The following CDYL variants were observed in gnomAD, a reference collection of about 807,000 sequenced individuals.
CDYL encodes the protein chromodomain Y like.
In CDYL, 8 loss-of-function variants were observed where a neutral mutation model predicts 47.3. That is an observed-to-expected ratio of 0.17 (90% CI 0.10 to 0.31). The LOEUF is 0.31. Ranked by LOEUF, CDYL falls within the 10% of genes least tolerant of loss-of-function variation. CDYL has a pLI of 1.00. For missense variants in CDYL, 471 were observed against 701.4 expected (o/e 0.67, Z 3.71); for synonymous variants, 266 against 265.0 (o/e 1.00, Z -0.04).
chr6:4,871,354 G>C (rs535245028), intron 1 of CDYL, among the ~76,000 whole-genome samples: 2 of 152,248 alleles, frequency 1.3e-5, no homozygotes, highest in African/African-American at 4.8e-5. Flanking sequence ...TCAAATTTTA[G>C]GCAGGTTTCA....
At chr6:4,918,375 C>A (rs1561707972) in intron 2 of CDYL, among the ~76,000 whole-genome samples, 1 of 150,330 alleles carries the variant, frequency 6.7e-6, no homozygotes. Context: ...TTCTGCCCCC[C>A]CCCCTTTTTT....
intron 1 of CDYL, among the ~76,000 whole-genome samples, chr6:4,838,266 G>A (rs1760382910): frequency 6.6e-6 from 1 of 152,082 alleles, no homozygotes; most frequent in African/African-American, 2.4e-5. Flanking sequence ...CCCGAGCAGT[G>A]TACACTGTAC....
chr6:4,804,241 T>A (rs1759307651), intron 1 of CDYL, among the ~76,000 whole-genome samples: 1 of 152,136 alleles, frequency 6.6e-6, no homozygotes, highest in African/African-American at 2.4e-5. Flanking sequence ...CCTCGCCCAG[T>A]CAGCCAACCT....
chr6:4,786,451 G>A (rs751442644), intron 1 of CDYL, among the ~76,000 whole-genome samples: 2 of 152,054 alleles, frequency 1.3e-5, no homozygotes, highest in African/African-American at 2.4e-5. Flanking sequence ...TAATGATGCC[G>A]GGTAAAGGAG....
intron 1 of CDYL, among the ~76,000 whole-genome samples, chr6:4,867,256 TTTC>T (rs1670630065): frequency 6.6e-6 from 1 of 152,108 alleles, no homozygotes; most frequent in African/African-American, 2.4e-5. Flanking sequence ...TTTTAAAAAA[TTTC>T]TTAATTTCTT....
In CDYL at chr6:4,732,225, C is replaced by T. The variant is rs1582291121; in HGVS notation, c.104-2537C>T. 2.0e-5 allele frequency among the ~76,000 whole-genome samples: 3 copies of T among 152,220 alleles called. 1 individual carries two copies. The South Asian group carries it at 6.2e-4, about 32-fold the overall frequency. On this transcript the variant is annotated intron_variant, in intron 2 of 8. Coordinates refer to the CDYL transcript ENST00000328908. ...TGGTGCATGCTTGTAGTTCCAGCTA[C>T]TCAGGAGGCTGAGGCGGGAGGATTG...
rs1554100346 is a variant in CDYL, at chr6:4,821,735, CG to C, written c.24+44933del. On this transcript the variant is annotated intron_variant, in intron 1 of 6. Transcript: ENST00000397588. ...TGGGCTCTAGAGCAAGACTGTATCT[CG>C]GGGGAAAAAAAAAAAGCGATCCTTG... 4.0e-4 allele frequency among the ~76,000 whole-genome samples: 60 copies of C among 148,496 alleles called. 1 individual carries two copies. In the Middle Eastern group the frequency reaches 0.024, roughly 60 times the overall value.
chr6:4,877,095 C>G (rs982126664), intron 1 of CDYL, among the ~76,000 whole-genome samples: 1 of 152,210 alleles, frequency 6.6e-6, no homozygotes, highest in African/African-American at 2.4e-5. Context: ...AATTCCCTGC[C>G]TCCAGAATTG....
chr6:4,812,797 G>C (rs1404511537), intron 1 of CDYL, among the ~76,000 whole-genome samples: 2 of 151,618 alleles, frequency 1.3e-5, no homozygotes, highest in Non-Finnish European at 2.9e-5. Context: ...GTGAAGTGTT[G>C]AGCCTTCTGA....
At chr6:4,716,661 G>A (rs1292326554) in intron 2 of CDYL, among the ~76,000 whole-genome samples, 1 of 145,066 alleles carries the variant, frequency 6.9e-6, no homozygotes, top group Non-Finnish European at 1.5e-5. Flanking sequence ...GGGCCAGATA[G>A]AATGCAAAAG....
intron 3 of CDYL, among the ~76,000 whole-genome samples, chr6:4,937,077 C>A (rs1758218042): frequency 6.6e-6 from 1 of 152,170 alleles, no homozygotes; most frequent in South Asian, 2.1e-4. Context: ...TGCTTTTAGG[C>A]AGGGTGCGGT....
At chr6:4,894,855 G>GTA (rs1201245365) in intron 2 of CDYL, among the ~76,000 whole-genome samples, 14 of 91,480 alleles carry the variant, frequency 1.5e-4, no homozygotes, top group South Asian at 1.1e-3. Context: ...GTGTGTGTGT[G>GTA]TATATGTGTA....
chr6:4,843,513 T>C (rs1387596860), intron 1 of CDYL, among the ~76,000 whole-genome samples: 3 of 149,966 alleles, frequency 2.0e-5, no homozygotes, highest in Non-Finnish European at 4.4e-5. Context: ...CTTTTTCTTT[T>C]TTTTTTTTTT....
intron 3 of CDYL, 34 bp from the exon 4 acceptor site, chr6:4,937,531 A>G: frequency 6.7e-7 from 1 of 1,492,986 alleles, no homozygotes; most frequent in Non-Finnish European, 8.9e-7. Flanking sequence ...AACCCAAAAT[A>G]TTCTTTGCCA....
rs139785884 is a variant in CDYL, at chr6:4,836,167, G to T, written c.25-55546G>T. On this transcript the variant is annotated intron_variant, in intron 1 of 6. Coordinates refer to ENST00000397588, the MANE Select transcript of CDYL (RefSeq NM_004824.4). ...GAAATGCTGAAATCACCTGTCTTCT[G>T]CGTCGCTCACGCTGGGAGCTGTAGA... The T allele has an allele frequency of 4.1e-3, 1,392 of 342,084 alleles. 24 individuals carry two copies. Among genetic ancestry groups the T allele is most frequent in the African/African-American group, 0.029 (1,327 of 45,054 alleles). 21.2% of individuals were successfully genotyped at this position (342,084 alleles called of 1,614,324 possible).
intron 3 of CDYL, among the ~76,000 whole-genome samples, chr6:4,936,902 AATTATAC>A (rs1036519112): frequency 1.2e-4 from 18 of 152,214 alleles, no homozygotes; most frequent in African/African-American, 4.3e-4. Context: ...ATGTCTTTTT[AATTATAC>A]TCGAGTTATG....
intron 4 of CDYL, among the ~76,000 whole-genome samples, chr6:4,940,025 T>C (rs1758317521): frequency 6.6e-6 from 1 of 152,136 alleles, no homozygotes; most frequent in South Asian, 2.1e-4. Flanking sequence ...AGCGTTGAAT[T>C]CCCTTGGACA....
intron 3 of CDYL, among the ~76,000 whole-genome samples, chr6:4,741,430 A>G (rs1484697521): frequency 6.6e-6 from 1 of 152,206 alleles, no homozygotes; most frequent in Non-Finnish European, 1.5e-5. Flanking sequence ...AGTTAAAAGA[A>G]ACCTAGAGAT....
intron 1 of CDYL, among the ~76,000 whole-genome samples, chr6:4,713,866 G>A (rs915446661): frequency 2.6e-5 from 4 of 152,186 alleles, no homozygotes; most frequent in East Asian, 1.9e-4. Context: ...GAGATTACAG[G>A]TGTGAGTCAC....
Sources: allele counts gnomAD v4.1 joint callset (sites outside exome capture counted in the v4.1 genomes callset), GRCh38; gene constraint gnomAD v4.1.1; transcripts MANE v1.5; gene names NCBI Gene and HGNC (gene_info 2026-07-23, HGNC 2026-07-21).